Variants in PCCA observed in about 807,000 individuals in gnomAD.
PCCA encodes propionyl-CoA carboxylase subunit alpha, also known as propionyl-CoA carboxylase alpha chain, mitochondrial.
Under a neutral mutation model 101.3 loss-of-function variants are expected in PCCA, and 74 were observed. The ratio of observed to expected loss-of-function variants is 0.73; its 90% CI spans 0.61 to 0.89. The LOEUF is 0.89. PCCA is among the 40% of genes least tolerant of loss of function. The probability of loss-of-function intolerance (pLI) is 0.00; values close to 1 mark genes in which losing one functional copy is unlikely to be tolerated. For missense variants in PCCA, 891 were observed against 907.0 expected (o/e 0.98, Z 0.23); for synonymous variants, 294 against 313.6 (o/e 0.94, Z 0.66).
chr13:100,385,977 C>T lies in PCCA; in HGVS notation c.1746+17403C>T, dbSNP rs373588355. The stretch of plus-strand genomic sequence containing the variant: ...TGGGAGTATAAATGGATATAACAAC[C>T]TCCATGGAGAGCAATTTGACAAAAT... On this transcript the variant is annotated intron_variant, in intron 19 of 23. Coordinates refer to ENST00000376285, the MANE Select transcript of PCCA (RefSeq NM_000282.4). Among the ~76,000 whole-genome samples, 165 of 152,322 alleles carry T rather than the reference C, an allele frequency of 1.1e-3. 6 individuals are homozygous for T. In the South Asian group the frequency reaches 0.031, roughly 29 times the overall value.
chr13:100,111,178 C>CTTT (rs965293674), intron 2 of PCCA, among the ~76,000 whole-genome samples: 3,570 of 98,268 alleles, frequency 0.036, 227 homozygotes, highest in Non-Finnish European at 0.043. Context: ...GACCCAGCTC[C>CTTT]TTTTTTTTTT....
intron 12 of PCCA, among the ~76,000 whole-genome samples, chr13:100,277,757 G>T (rs551010295): frequency 6.6e-6 from 1 of 152,298 alleles, no homozygotes; most frequent in South Asian, 2.1e-4. Flanking sequence ...TCTGTATTCT[G>T]CAGTGTAAGA....
chr13:100,440,490 C>G (rs2080291645), intron 20 of PCCA, among the ~76,000 whole-genome samples: 1 of 151,288 alleles, frequency 6.6e-6, no homozygotes, highest in African/African-American at 2.4e-5. Flanking sequence ...AGCTCCCACA[C>G]CCTCCAAGAA....
intron 18 of PCCA, among the ~76,000 whole-genome samples, chr13:100,344,269 T>A (rs998045616): frequency 3.3e-5 from 5 of 152,008 alleles, no homozygotes; most frequent in Admixed American, 2.6e-4. Flanking sequence ...TATTAAGGAG[T>A]CAGGTTACTG....
chr13:100,257,662 T>C lies in PCCA; in HGVS notation c.705T>C (p.Asp235=). 1 of 1,612,756 alleles carries C rather than the reference T, an allele frequency of 6.2e-7. No homozygotes were observed. The highest frequency in any genetic ancestry group is 1.7e-4 in the Middle Eastern group (1 of 6,058). The change falls in exon 9 of 24, where the codon GAT becomes GAC. Residue 235 remains aspartate (D), a synonymous_variant. Coordinates refer to ENST00000376285, the MANE Select transcript of PCCA (RefSeq NM_000282.4). ...GGKGMRIAWD[D]EETRDGFRLS... ...AAGGCATGCGCATTGCTTGGGATGA[T>C]GAAGAGACCAGGTGAGAGGCTGTCC... is the stretch of plus-strand genomic sequence containing the variant.
intron 21 of PCCA, among the ~76,000 whole-genome samples, chr13:100,492,158 G>A (rs905191224): frequency 2.0e-5 from 3 of 151,320 alleles, no homozygotes; most frequent in Admixed American, 6.6e-5. Flanking sequence ...TTTTTGGGAC[G>A]GAGTCTCGCT....
intron 6 of PCCA, among the ~76,000 whole-genome samples, chr13:100,200,611 TA>T (rs2058419721): frequency 6.6e-6 from 1 of 150,562 alleles, no homozygotes; most frequent in Non-Finnish European, 1.5e-5. Flanking sequence ...ATATTGCTTA[TA>T]ATACAATATG....
intron 12 of PCCA, among the ~76,000 whole-genome samples, chr13:100,292,965 T>TGTGTGTC (rs1595156115): frequency 6.0e-4 from 32 of 53,324 alleles, no homozygotes; most frequent in African/African-American, 1.9e-3. Context: ...GTGTGTCTGT[T>TGTGTGTC]TGTGTGTGTG....
chr13:100,266,081 C>T (rs138997324), intron 10 of PCCA, among the ~76,000 whole-genome samples: 2 of 152,238 alleles, frequency 1.3e-5, no homozygotes, highest in African/African-American at 2.4e-5. Flanking sequence ...CTTGTAAGAT[C>T]GTAGGGGCAG....
intron 8 of PCCA, among the ~76,000 whole-genome samples, chr13:100,251,471 C>G (rs984471707): frequency 1.3e-5 from 2 of 152,106 alleles, no homozygotes; most frequent in Non-Finnish European, 2.9e-5. Context: ...GCATGTTATT[C>G]TTTAGGCAGT....
At chr13:100,360,592 C>T (rs1474302671) in intron 18 of PCCA, among the ~76,000 whole-genome samples, 5 of 152,170 alleles carry the variant, frequency 3.3e-5, no homozygotes, top group Non-Finnish European at 5.9e-5. Flanking sequence ...ATATTAAAAA[C>T]TTCCATTAAA....
chr13:100,501,904 A>AAATAAATAAAG (rs1594034381), intron 21 of PCCA, among the ~76,000 whole-genome samples: 16 of 113,368 alleles, frequency 1.4e-4, no homozygotes, highest in East Asian at 9.7e-4. Flanking sequence ...AATAAATAAA[A>AAATAAATAAAG]TGCACCCAAA....
At chr13:100,334,723 T>C (rs140967456) in intron 17 of PCCA, among the ~76,000 whole-genome samples, 2 of 152,212 alleles carry the variant, frequency 1.3e-5, no homozygotes, top group Non-Finnish European at 2.9e-5. Flanking sequence ...TCTCAAAATA[T>C]GCAGCAAAAA....
At chr13:100,425,752 C>T (rs2079098238) in intron 20 of PCCA, 21 bp downstream of exon 20, 8 of 1,486,212 alleles carry the variant, frequency 5.4e-6, no homozygotes, top group Non-Finnish European at 7.5e-6. Flanking sequence ...TAAGGATTTC[C>T]TTAGAGGGCC....
At chr13:100,320,598 T>A (rs2067920933) in intron 16 of PCCA, among the ~76,000 whole-genome samples, 1 of 152,228 alleles carries the variant, frequency 6.6e-6, no homozygotes, top group Non-Finnish European at 1.5e-5. Context: ...GGTTTTTGTC[T>A]TTGGTTCTGT....
intron 10 of PCCA, among the ~76,000 whole-genome samples, chr13:100,266,557 T>C (rs1395254188): frequency 1.3e-5 from 2 of 152,224 alleles, no homozygotes; most frequent in African/African-American, 4.8e-5. Flanking sequence ...TTTTACTCTA[T>C]TCTAAGTCCT....
chr13:100,397,415 T>C (rs1323704554), intron 19 of PCCA, among the ~76,000 whole-genome samples: 1 of 152,192 alleles, frequency 6.6e-6, no homozygotes, highest in African/African-American at 2.4e-5. Context: ...CTGATTGATA[T>C]TAGGGCCTCA....
intron 21 of PCCA, among the ~76,000 whole-genome samples, chr13:100,474,027 C>T (rs1228150298): frequency 2.0e-5 from 3 of 152,204 alleles, no homozygotes; most frequent in Non-Finnish European, 4.4e-5. Context: ...GATGAACCCC[C>T]TGGGTAGAGT....
In PCCA at chr13:100,339,402, CT is replaced by C. The variant is rs553368589; in HGVS notation, c.1541-754del. On this transcript the variant is annotated intron_variant, in intron 17 of 23. Transcript: ENST00000376285. ...TACTCTACTATCTATATGTAGTACT[CT>C]GGTAAATAAATAGTTTTAGATTTGT... 2.8e-3 allele frequency among the ~76,000 whole-genome samples: 433 copies of C among 152,276 alleles called. 1 individual carries two copies. The highest frequency in any genetic ancestry group is 1.0e-2 in the African/African-American group (415 of 41,558).
Sources: gnomAD v4.1 joint callset for allele counts (sites outside exome capture counted in the v4.1 genomes callset) on GRCh38, gnomAD v4.1.1 for gene constraint, MANE v1.5 for transcripts, NCBI Gene and HGNC (gene_info 2026-07-23, HGNC 2026-07-21) for gene names.